The following INSC variants were observed in gnomAD, a reference collection of about 807,000 sequenced individuals.
INSC encodes the protein INSC spindle orientation adaptor protein.
Under a neutral mutation model 58.6 loss-of-function variants are expected in INSC, and 67 were observed. The observed-to-expected ratio is 1.14, with a 90% CI of 0.94 to 1.40. The LOEUF (loss-of-function observed/expected upper bound fraction) is 1.40. Among genes scored for constraint, INSC ranks in the 40% most tolerant of loss-of-function variants. The pLI is 0.00. For missense variants in INSC, 714 were observed against 692.0 expected (o/e 1.03, Z -0.36); for synonymous variants, 262 against 276.1 (o/e 0.95, Z 0.51).
chr11:15,188,627 G>T (rs894801175), intron 5 of INSC, among the ~76,000 whole-genome samples: 1 of 152,174 alleles, frequency 6.6e-6, no homozygotes, highest in Non-Finnish European at 1.5e-5. Context: ...CTTTGTCAGA[G>T]ATCTGATTCA....
At chr11:15,112,382 T>C (rs1188286164), upstream of INSC, 28 of 1,155,718 alleles carry the variant, frequency 2.4e-5, no homozygotes, top group Non-Finnish European at 3.2e-5. Context: ...CTCAGGGCCA[T>C]GGCCCAGAAG....
chr11:15,224,483 T>G lies in INSC; in HGVS notation c.992-1167T>G, dbSNP rs1172554640. The stretch of plus-strand genomic sequence containing the variant: ...TGGAGGCAAGAACTAGGGACCAGGA[T>G]AGAACACAGCTCAATTTTGTCTCCC... On this transcript the variant is annotated intron_variant, in intron 8 of 12. Transcript: ENST00000379556. 3.3e-5 allele frequency among the ~76,000 whole-genome samples: 5 copies of G among 152,330 alleles called. No homozygotes were observed. The East Asian group carries it at 7.7e-4, about 23-fold the overall frequency.
chr11:15,167,924 T>C lies in INSC; in HGVS notation c.57-7817T>C, dbSNP rs1267247450. Among the ~76,000 whole-genome samples, 8 of 152,114 alleles carry C rather than the reference T, an allele frequency of 5.3e-5. No homozygotes were observed. In the East Asian group the frequency reaches 5.8e-4, roughly 11 times the overall value. On this transcript the variant is annotated intron_variant, in intron 2 of 12. Coordinates refer to ENST00000379556, the MANE Select transcript of INSC (RefSeq NM_001042536.3). ...GGCTTTGGCCTGAAAGCAGCAATTA[T>C]ATCTTGGCGGCTCATGATTCTTGCC...
chr11:15,163,455 C>T (rs4757295), intron 2 of INSC, among the ~76,000 whole-genome samples: 25,388 of 151,888 alleles, frequency 0.17, 3,175 homozygotes, highest in East Asian at 0.7. Flanking sequence ...TGAAAGTTTT[C>T]TGATTTATAG....
intron 2 of INSC, among the ~76,000 whole-genome samples, chr11:15,152,089 T>C (rs1848672360): frequency 6.6e-6 from 1 of 152,238 alleles, no homozygotes; most frequent in African/African-American, 2.4e-5. Flanking sequence ...TTATTATCTA[T>C]ATTTTGCAAA....
At position 15,230,001 on chromosome 11, in the gene INSC, A is replaced by AATATTATATATATAT. The variant is rs1564917644; in HGVS notation, c.1170+4173_1170+4174insATATTATATATATAT. The stretch of plus-strand genomic sequence containing the variant: ...ATATTATATATATATATATATATAT[A>AATATTATATATATAT]TATATATATATAATATATATATATA... On this transcript the variant is annotated intron_variant, in intron 9 of 12. Transcript: ENST00000379556. 8.7e-4 allele frequency among the ~76,000 whole-genome samples: 22 copies of AATATTATATATATAT among 25,290 alleles called. 1 individual carries two copies. The highest frequency in any genetic ancestry group is 3.5e-3 in the African/African-American group (21 of 6,076). 16.6% of individuals were successfully genotyped at this position (25,290 alleles called of 152,430 possible).
intron 1 of INSC, among the ~76,000 whole-genome samples, chr11:15,135,696 A>G (rs1848228900): frequency 6.6e-6 from 1 of 152,240 alleles, no homozygotes. Context: ...CTAATCACAG[A>G]AAATGTCTTA....
At chr11:15,116,498 C>A (rs1295732344) in intron 1 of INSC, among the ~76,000 whole-genome samples, 1 of 152,154 alleles carries the variant, frequency 6.6e-6, no homozygotes, top group Non-Finnish European at 1.5e-5. Flanking sequence ...ATGACCTCCT[C>A]CCCCTGGTGA....
intron 1 of INSC, among the ~76,000 whole-genome samples, chr11:15,127,935 C>T (rs1848036453): frequency 6.6e-6 from 1 of 151,884 alleles, no homozygotes; most frequent in Non-Finnish European, 1.5e-5. Context: ...GCAGAGCTTG[C>T]AGTGAGCCGA....
intron 1 of INSC, among the ~76,000 whole-genome samples, chr11:15,117,651 C>T (rs1419712227): frequency 6.6e-6 from 1 of 152,136 alleles, no homozygotes; most frequent in Non-Finnish European, 1.5e-5. Context: ...TGAAGGAAAT[C>T]AGAACAAATA....
At chr11:15,203,136 A>C (rs1850660348) in intron 7 of INSC, among the ~76,000 whole-genome samples, 1 of 152,234 alleles carries the variant, frequency 6.6e-6, no homozygotes, top group African/African-American at 2.4e-5. Flanking sequence ...TAAATAACAT[A>C]GTAAGTGTTA....
chr11:15,187,749 A>C (rs965754012), intron 5 of INSC, among the ~76,000 whole-genome samples: 2 of 152,066 alleles, frequency 1.3e-5, no homozygotes, highest in African/African-American at 4.8e-5. Context: ...GCATTTTAAG[A>C]AAATGTTTGT....
In INSC at chr11:15,142,625, G is replaced by A. The variant is rs116690116; in HGVS notation, c.-45-6505G>A. Reference sequence around the variant, plus strand: ...GTCATTGCAGTTTTTGCACAGCAGTGTGACTGTCCACTGATCCGTCTGTCT... The same window carrying A: ...GTCATTGCAGTTTTTGCACAGCAGTATGACTGTCCACTGATCCGTCTGTCT... On this transcript the variant is annotated intron_variant, in intron 1 of 12. Coordinates refer to ENST00000379556, the MANE Select transcript of INSC (RefSeq NM_001042536.3). Among the ~76,000 whole-genome samples, 1,176 of 152,174 alleles carry A rather than the reference G, an allele frequency of 7.7e-3. 17 individuals carry two copies. The highest frequency in any genetic ancestry group is 0.027 in the African/African-American group (1,124 of 41,504).
intron 6 of INSC, among the ~76,000 whole-genome samples, chr11:15,192,857 T>C (rs1415666975): frequency 2.0e-5 from 3 of 152,220 alleles, no homozygotes; most frequent in Non-Finnish European, 2.9e-5. Context: ...TACTCTCTAA[T>C]GACATTTATA....
intron 2 of INSC, among the ~76,000 whole-genome samples, chr11:15,163,733 A>G (rs1197307752): frequency 1.3e-5 from 2 of 152,128 alleles, no homozygotes; most frequent in African/African-American, 4.8e-5. Flanking sequence ...AGCTGGGACT[A>G]CAGGTACCTG....
At chr11:15,170,643 G>C (rs2133810261) in intron 2 of INSC, among the ~76,000 whole-genome samples, 1 of 152,294 alleles carries the variant, frequency 6.6e-6, no homozygotes, top group South Asian at 2.1e-4. Context: ...CCACTGTAAA[G>C]TTTCTTTATT....
At chr11:15,128,155 A>G (rs141783049) in intron 1 of INSC, among the ~76,000 whole-genome samples, 331 of 151,926 alleles carry the variant, frequency 2.2e-3, no homozygotes, top group Admixed American at 3.5e-3. Context: ...CCTTTTTTGT[A>G]TAACATTCCA....
In INSC at chr11:15,175,496, C is replaced by T. The variant is rs577909206; in HGVS notation, c.57-245C>T. Among the ~76,000 whole-genome samples the T allele has an allele frequency of 3.3e-5, 5 of 152,264 alleles. No individual in the cohort carries two copies. In the South Asian group the frequency reaches 1.0e-3, roughly 32 times the overall value. The stretch of plus-strand genomic sequence containing the variant: ...CCCTTATTGTAAAGATCATTGGCTA[C>T]TCTGTCAGACATAATTACCTGTTGC... On this transcript the variant is annotated intron_variant, in intron 2 of 12. Coordinates refer to ENST00000379556, the MANE Select transcript of INSC (RefSeq NM_001042536.3).
intron 5 of INSC, among the ~76,000 whole-genome samples, chr11:15,182,126 A>G (rs1024741435): frequency 1.3e-5 from 2 of 152,146 alleles, no homozygotes; most frequent in Non-Finnish European, 2.9e-5. Flanking sequence ...AGGGTTCAAA[A>G]AGCCCTTAAT....
Sources: gnomAD v4.1 joint callset for allele counts (sites outside exome capture counted in the v4.1 genomes callset) on GRCh38, gnomAD v4.1.1 for gene constraint, MANE v1.5 for transcripts, NCBI Gene and HGNC (gene_info 2026-07-23, HGNC 2026-07-21) for gene names.